ARHGAP23: variants seen among roughly 807,000 people sequenced by gnomAD.
ARHGAP23 encodes Rho GTPase activating protein 23.
A neutral mutation model predicts 136.3 loss-of-function variants in ARHGAP23; 34 were observed. The ratio of observed to expected loss-of-function variants is 0.25; its 90% CI spans 0.19 to 0.33. The LOEUF is 0.33. ARHGAP23 is among the 10% of genes least tolerant of loss of function. The pLI is 1.00. For missense variants in ARHGAP23, 1,808 were observed against 2,139.0 expected (o/e 0.85, Z 3.05); for synonymous variants, 832 against 920.5 (o/e 0.90, Z 1.74).
intron 1 of ARHGAP23, among the ~76,000 whole-genome samples, chr17:38,435,791 G>A (rs7218025): frequency 0.5 from 76,186 of 151,966 alleles, 21,837 homozygotes; most frequent in African/African-American, 0.8. Context: ...AGTAGAGATG[G>A]GCGTTCACCA....
intron 14 of ARHGAP23, among the ~76,000 whole-genome samples, chr17:38,480,803 CAAA>C (rs764004002): frequency 4.1e-5 from 2 of 48,312 alleles, no homozygotes; most frequent in Admixed American, 2.3e-4. Flanking sequence ...GACCCTGTCT[CAAA>C]AAAAAAAAAA....
chr17:38,446,088 C>T (rs1450258419), intron 1 of ARHGAP23, among the ~76,000 whole-genome samples: 1 of 149,736 alleles, frequency 6.7e-6, no homozygotes, highest in African/African-American at 2.5e-5. Context: ...GATTTCAGCT[C>T]ATTGTAACCT....
intron 12 of ARHGAP23, among the ~76,000 whole-genome samples, 185 bp downstream of exon 12, chr17:38,478,081 G>A (rs1333790607): frequency 2.6e-5 from 4 of 152,226 alleles, no homozygotes; most frequent in Non-Finnish European, 4.4e-5. Context: ...CAGGGCTCAC[G>A]GGGGACCTGG....
intron 1 of ARHGAP23, among the ~76,000 whole-genome samples, chr17:38,438,162 A>C (rs1354109478): frequency 6.6e-6 from 1 of 152,104 alleles, no homozygotes; most frequent in Non-Finnish European, 1.5e-5. Context: ...CTCTACTAAA[A>C]ATACAAAAAT....
In ARHGAP23 at chr17:38,504,278, G is replaced by A. The variant is rs573073150; in HGVS notation, c.3447+3650G>A. Among the ~76,000 whole-genome samples, 5 of 152,366 alleles carry A rather than the reference G, an allele frequency of 3.3e-5. No homozygotes were observed. In the East Asian group the frequency reaches 9.6e-4, roughly 29 times the overall value. ...TGCCGGTCTATTAAGTACAGCGATA[G>A]GAATAACTGTTGCAGGGACAGGGAC... On this transcript the variant is annotated intron_variant, in intron 23 of 23. Coordinates refer to ENST00000622683, the MANE Select transcript of ARHGAP23 (RefSeq NM_001199417.2).
chr17:38,432,722 G>A (rs776265439), intron 1 of ARHGAP23, among the ~76,000 whole-genome samples: 5 of 151,832 alleles, frequency 3.3e-5, no homozygotes, highest in South Asian at 2.1e-4. Flanking sequence ...CCAGCTACTC[G>A]GGTGGTGGAA....
Position 38,510,060 on chromosome 17 carries a change from C to T in ARHGAP23, c.3564C>T (p.Ser1188=), listed in dbSNP as rs1312284245. The stretch of plus-strand genomic sequence containing the variant: ...GGGAGGCGCGGGGGCTGGGCAGCAG[C>T]ACCGACGACGACTCGGAGCAGGAGG... ...KRREARGLGS[S]TDDDSEQEAH... Residue 1188 remains serine (S), a synonymous_variant, in exon 24 of 24, where the codon AGC becomes AGT. Coordinates refer to ENST00000622683, the MANE Select transcript of ARHGAP23 (RefSeq NM_001199417.2). The surrounding 1 kb of genome is among the most constrained non-coding windows in gnomAD (Gnocchi z 4.6). 1.3e-5 allele frequency: 16 copies of T among 1,241,736 alleles called. No individual in the cohort carries two copies. In the South Asian group the frequency reaches 5.0e-4, roughly 39 times the overall value. The allele number at this position is 1,241,736 out of a possible 1,614,324, so 76.9% of individuals were successfully genotyped here.
chr17:38,497,755 T>C, intron 20 of ARHGAP23, 30 bp from the exon 21 acceptor site: 1 of 1,548,540 alleles, frequency 6.5e-7, no homozygotes, highest in South Asian at 1.2e-5. Context: ...CCCATGCTGA[T>C]TTCATCCCTT....
chr17:38,493,130 G>A (rs776446469), intron 20 of ARHGAP23, among the ~76,000 whole-genome samples: 1 of 151,656 alleles, frequency 6.6e-6, no homozygotes, highest in African/African-American at 2.4e-5. Context: ...AAATGACTGA[G>A]TAAATTGCTA....
intron 23 of ARHGAP23, among the ~76,000 whole-genome samples, chr17:38,506,727 C>G (rs2040642440): frequency 6.6e-6 from 1 of 152,206 alleles, no homozygotes; most frequent in Non-Finnish European, 1.5e-5. Flanking sequence ...CCACCTTCAC[C>G]TAAACCTAAT....
chr17:38,444,639 C>T (rs1354543900), intron 1 of ARHGAP23, among the ~76,000 whole-genome samples: 2 of 152,120 alleles, frequency 1.3e-5, no homozygotes, highest in African/African-American at 4.8e-5. Context: ...GGCGATCCCC[C>T]TGTGCGGGGA....
chr17:38,501,594 C>T (rs2040522936), intron 23 of ARHGAP23, among the ~76,000 whole-genome samples: 1 of 152,116 alleles, frequency 6.6e-6, no homozygotes, highest in Non-Finnish European at 1.5e-5. Flanking sequence ...AGTCACTGCG[C>T]CTGGCTATAG....
In ARHGAP23 at chr17:38,463,054, C is replaced by T. The variant is rs1317263963; in HGVS notation, c.350-64C>T. On this transcript the variant is annotated intron_variant, in intron 4 of 23. Transcript: ENST00000622683. ...CCCACAGTGTTAGCCATGCCTGGTACAGGGGTTCTCAGATGGGGCCTTTGA... is the reference window on the plus strand; with the variant it reads ...CCCACAGTGTTAGCCATGCCTGGTATAGGGGTTCTCAGATGGGGCCTTTGA... The T allele has an allele frequency of 2.6e-6, 4 of 1,540,122 alleles. No individual in the cohort carries two copies. In the East Asian group the frequency reaches 9.8e-5, roughly 38 times the overall value.
chr17:38,470,957 C>CTTTT (rs35409435), intron 10 of ARHGAP23, among the ~76,000 whole-genome samples: 1 of 143,000 alleles, frequency 7.0e-6, no homozygotes, highest in African/African-American at 2.6e-5. Flanking sequence ...ATTTTTCTTT[C>CTTTT]TTTTTTTTTT....
intron 16 of ARHGAP23, among the ~76,000 whole-genome samples, chr17:38,483,963 G>A (rs1309753187): frequency 6.6e-6 from 1 of 152,194 alleles, no homozygotes; most frequent in Non-Finnish European, 1.5e-5. Context: ...GCCCCAGGGG[G>A]ACAGAGAAGG....
chr17:38,421,534 G>A (rs2038520631), intron 1 of ARHGAP23, among the ~76,000 whole-genome samples: 1 of 152,250 alleles, frequency 6.6e-6, no homozygotes, highest in African/African-American at 2.4e-5. Flanking sequence ...CATGTGCTGA[G>A]CCCTCTTGTA....
At chr17:38,509,429 G>A (rs1362675775) in intron 23 of ARHGAP23, among the ~76,000 whole-genome samples, 1 of 152,150 alleles carries the variant, frequency 6.6e-6, no homozygotes, top group East Asian at 1.9e-4. Context: ...GGGTTGCCCT[G>A]GAGAGGCCTG....
chr17:38,510,757 G>A lies in ARHGAP23; in HGVS notation c.4261G>A (p.Glu1421Lys). 6.7e-7 allele frequency: 1 copy of A among 1,486,382 alleles called. No homozygotes were observed. The highest frequency in any genetic ancestry group is 8.9e-7 in the Non-Finnish European group (1 of 1,121,150). 92.1% of individuals were successfully genotyped at this position (1,486,382 alleles called of 1,614,324 possible). The change falls in exon 24 of 24, where the codon GAG becomes AAG. Residue 1421 changes from glutamate (E) to lysine (K), a missense_variant. By Grantham distance (56) the Glu-to-Lys change is moderately conservative. Around this residue, in one of 7 missense-constraint regions of ARHGAP23, gnomAD observed 506 missense variants for 455.8 expected, o/e 1.11. Transcript: ENST00000622683. The surrounding 1 kb of genome is among the most constrained non-coding windows in gnomAD (Gnocchi z 4.6). Reference sequence around the variant, plus strand: ...CCCGCTGACTGACCTCAACTTCAACGAGTGGAAGGAGCTGGGCGGAGGGGG... The same window carrying A: ...CCCGCTGACTGACCTCAACTTCAACAAGTGGAAGGAGCTGGGCGGAGGGGG... The part of the protein sequence containing the change: ...QSPLTDLNFN[E>K]WKELGGGGPP...
chr17:38,480,769 A>C (rs2040018802), intron 14 of ARHGAP23, among the ~76,000 whole-genome samples: 1 of 145,424 alleles, frequency 6.9e-6, no homozygotes, highest in African/African-American at 2.6e-5. Flanking sequence ...ACACCACTGC[A>C]CTCCAGCCTG....
Sources: allele counts gnomAD v4.1 joint callset (sites outside exome capture counted in the v4.1 genomes callset), GRCh38; gene constraint gnomAD v4.1.1; regional missense constraint gnomAD v4.1.1; non-coding constraint Gnocchi (gnomAD v3.1); transcripts MANE v1.5; gene names NCBI Gene and HGNC (gene_info 2026-07-23, HGNC 2026-07-21).